The following PSMA5 variants were observed in gnomAD, a reference collection of about 807,000 sequenced individuals.
The protein encoded by PSMA5 is proteasome 20S subunit alpha 5.
Under a neutral mutation model 34.5 loss-of-function variants are expected in PSMA5, and 3 were observed. That is an observed-to-expected ratio of 0.09 (90% confidence interval 0.04 to 0.22). The LOEUF (loss-of-function observed/expected upper bound fraction) is 0.22, where lower values mean the gene tolerates loss of function less well. Among genes scored for constraint, PSMA5 ranks in the 10% least tolerant of loss-of-function variants. PSMA5 has a pLI of 1.00. For missense variants in PSMA5, 120 were observed against 286.1 expected (o/e 0.42, Z 4.19); for synonymous variants, 88 against 95.8 (o/e 0.92, Z 0.47).
Position 109,409,964 on chromosome 1 carries a change from T to G in PSMA5, c.612A>C (p.Gln204His). Residue 204 changes from glutamine (Q) to histidine (H), a missense_variant, in exon 8 of 9, where the codon CAA becomes CAC. Physicochemically the swap from Gln to His is conservative, Grantham distance 24. Coordinates refer to ENST00000271308, the MANE Select transcript of PSMA5 (RefSeq NM_002790.4). ...TTGCATTCAGCTTCTCCTCCATTACTTGTTTGAGGATGATGAGTGAAGACT... is the reference window on the plus strand; with the variant it reads ...TTGCATTCAGCTTCTCCTCCATTACGTGTTTGAGGATGATGAGTGAAGACT... ...AIKSSLIILK[Q>H]VMEEKLNATN... 6.2e-7 allele frequency: 1 copy of G among 1,609,534 alleles called. No individual in the cohort carries two copies. Among genetic ancestry groups the G allele is most frequent in the Non-Finnish European group, 8.5e-7 (1 of 1,176,964 alleles).
intron 8 of PSMA5, among the ~76,000 whole-genome samples, chr1:109,408,560 C>G (rs977486063): frequency 3.9e-5 from 6 of 152,200 alleles, no homozygotes; most frequent in Non-Finnish European, 7.3e-5. Context: ...AGCATAATAC[C>G]TGCTATATAA....
intron 4 of PSMA5, 73 bp downstream of exon 4, chr1:109,412,995 G>C: frequency 7.6e-7 from 1 of 1,321,728 alleles, no homozygotes; most frequent in Non-Finnish European, 1.1e-6. Flanking sequence ...CTGCAGTATA[G>C]CCCAGGCAGC....
At chr1:109,402,112 T>A in intron 8 of PSMA5, 22 bp from the exon 9 acceptor site, 2 of 1,585,784 alleles carry the variant, frequency 1.3e-6, no homozygotes, top group Non-Finnish European at 1.7e-6. Context: ...ACAGAAGGGT[T>A]AATAAGCTGG....
At chr1:109,407,582 A>G (rs1009748635) in intron 8 of PSMA5, among the ~76,000 whole-genome samples, 1 of 152,190 alleles carries the variant, frequency 6.6e-6, no homozygotes, top group Non-Finnish European at 1.5e-5. Flanking sequence ...ATATCCTGGT[A>G]AGTACTGATT....
At chr1:109,425,973 A>G in intron 1 of PSMA5, 1 of 432,784 alleles carries the variant, frequency 2.3e-6, no homozygotes, top group Non-Finnish European at 4.2e-6. Context: ...GCACGAAAAG[A>G]TGAACGGAGC....
intron 8 of PSMA5, among the ~76,000 whole-genome samples, chr1:109,406,190 A>G (rs538714570): frequency 4.0e-4 from 61 of 152,372 alleles, no homozygotes; most frequent in African/African-American, 1.4e-3. Context: ...CTGACAAATA[A>G]GAGTTATCTT....
At chr1:109,414,820 C>CTAT (rs1654129687) in intron 3 of PSMA5, 1 of 155,746 alleles carries the variant, frequency 6.4e-6, no homozygotes, top group African/African-American at 2.4e-5. Flanking sequence ...CCCTGTAATA[C>CTAT]TATTATACAA....
At position 109,400,991 on chromosome 1, in the gene PSMA5, ATTT is replaced by A. The variant is rs1379746858; in HGVS notation, c.*1019_*1021del. ...GAGCTGTTCAAGTCCCAACAGCTTA[ATTT>A]TGTGTGTCCATGGGCACACAGCATT... On this transcript the variant is annotated 3_prime_UTR_variant, in exon 9 of 9. Coordinates refer to ENST00000271308, the MANE Select transcript of PSMA5 (RefSeq NM_002790.4). 1 of 152,202 alleles carries A rather than the reference ATTT, an allele frequency of 6.6e-6. No individual in the cohort carries two copies. The highest frequency in any genetic ancestry group is 1.9e-4 in the East Asian group (1 of 5,198). The allele number at this position is 152,202 out of a possible 1,614,324, so 9.4% of individuals were successfully genotyped here. A position where few individuals can be genotyped will look rare whatever the true frequency, so the allele number is the denominator to read the frequency against.
At chr1:109,413,017 TA>T (rs1654060075) in intron 4 of PSMA5, 50 bp downstream of exon 4, 2 of 1,496,118 alleles carry the variant, frequency 1.3e-6, no homozygotes, top group South Asian at 2.3e-5. Flanking sequence ...AGATAATCAC[TA>T]AACAAGGAAC....
At position 109,411,935 on chromosome 1, in the gene PSMA5, A is replaced by C. The variant is rs775347411; in HGVS notation, c.400T>G (p.Ser134Ala). The change falls in exon 6 of 9, where the codon TCT becomes GCT. Residue 134 changes from serine (S) to alanine (A), a missense_variant and splice_region_variant. Physicochemically the swap from Ser to Ala is moderately conservative, Grantham distance 99. Around this residue, in one of 3 missense-constraint regions of PSMA5, gnomAD observed 83 missense variants for 203.2 expected, o/e 0.41. Transcript: ENST00000271308. ...GEEDADPGAM[S>A]RPFGVALLFG... is the part of the protein sequence containing the mutation. Reference sequence around the variant, plus strand: ...AATAATGCTACTCCAAAGGGACGAGACTAGAACCAAAAAATAAGAGATATT... The same window carrying C: ...AATAATGCTACTCCAAAGGGACGAGCCTAGAACCAAAAAATAAGAGATATT... 6.2e-7 allele frequency: 1 copy of C among 1,612,102 alleles called. No individual in the cohort carries two copies. The highest frequency in any genetic ancestry group is 1.1e-5 in the South Asian group (1 of 91,036).
intron 3 of PSMA5, among the ~76,000 whole-genome samples, chr1:109,413,454 A>G (rs985544042): frequency 1.3e-5 from 2 of 152,208 alleles, no homozygotes; most frequent in Non-Finnish European, 2.9e-5. Flanking sequence ...ACGATGATAC[A>G]TTTTCAAACG....
intron 8 of PSMA5, among the ~76,000 whole-genome samples, chr1:109,404,730 ATATTT>A (rs1448668004): frequency 6.6e-6 from 1 of 152,232 alleles, no homozygotes; most frequent in Admixed American, 6.5e-5. Context: ...GGTAGAACAG[ATATTT>A]TCTTTCAATT....
intron 1 of PSMA5, chr1:109,425,539 C>G (rs1654620680): frequency 6.6e-6 from 1 of 152,178 alleles, no homozygotes; most frequent in Non-Finnish European, 1.5e-5. Context: ...TGCAGCATCT[C>G]ATACCACTCA....
In PSMA5 at chr1:109,426,400, C is replaced by G. The variant is rs1654667760; in HGVS notation, c.-70G>C. 1.9e-6 allele frequency: 3 copies of G among 1,592,250 alleles called. No individual in the cohort carries two copies. The South Asian group carries it at 3.3e-5, about 18-fold the overall frequency. ...CCAACACGACTCCACCGGCACCCAA[C>G]TCACCGGCAGCCAACTCACCCACAC... On this transcript the variant is annotated 5_prime_UTR_variant, in exon 1 of 9. Transcript: ENST00000271308.
In PSMA5 at chr1:109,401,892, G is replaced by A; in HGVS notation, c.*121C>T. ...TATTTCAGAACTGCCTTTATGTACA[G>A]ACATCATTTAAAAAATGCACATACA... On this transcript the variant is annotated 3_prime_UTR_variant, in exon 9 of 9. Transcript: ENST00000271308. 1 of 698,164 alleles carries A rather than the reference G, an allele frequency of 1.4e-6. No individual in the cohort carries two copies. Among genetic ancestry groups the A allele is most frequent in the South Asian group, 2.1e-5 (1 of 48,144 alleles). The allele number at this position is 698,164 out of a possible 1,614,324, so 43.2% of individuals were successfully genotyped here.
chr1:109,411,882 G>C lies in PSMA5; in HGVS notation c.453C>G (p.Pro151=). 1 of 1,611,916 alleles carries C rather than the reference G, an allele frequency of 6.2e-7. No homozygotes were observed. Residue 151 remains proline, a synonymous_variant, in exon 6 of 9, where the codon CCC becomes CCG. Coordinates refer to ENST00000271308, the MANE Select transcript of PSMA5 (RefSeq NM_002790.4). ...AATTACAAAATGGTACTTACAGCTG[G>C]GGTCCTTTCTCATCAACTCCTCCAA... ...LLFGGVDEKG[P]QLFHMDPSGT... is the part of the protein sequence containing the mutation.
intron 6 of PSMA5, 50 bp from the exon 7 acceptor site, chr1:109,411,163 T>C: frequency 7.5e-7 from 1 of 1,337,616 alleles, no homozygotes. Flanking sequence ...TGGTGGCACT[T>C]TATGTAACAA....
intron 8 of PSMA5, among the ~76,000 whole-genome samples, chr1:109,404,266 C>T (rs190949618): frequency 2.0e-5 from 3 of 152,194 alleles, no homozygotes; most frequent in African/African-American, 4.8e-5. Context: ...GAGCTGAGAT[C>T]GCACCACTGC....
chr1:109,404,981 G>C (rs1653688685), intron 8 of PSMA5, among the ~76,000 whole-genome samples: 1 of 152,222 alleles, frequency 6.6e-6, no homozygotes, highest in African/African-American at 2.4e-5. Context: ...GCAAGAATGG[G>C]TCAGACAGTC....
Sources: allele counts gnomAD v4.1 joint callset (sites outside exome capture counted in the v4.1 genomes callset), GRCh38; gene constraint gnomAD v4.1.1; regional missense constraint gnomAD v4.1.1; transcripts MANE v1.5; gene names NCBI Gene and HGNC (gene_info 2026-07-23, HGNC 2026-07-21).